The following ESR1 variants were observed in gnomAD, a reference collection of about 807,000 sequenced individuals.
The protein encoded by ESR1 is estrogen receptor 1, also known as estrogen receptor.
A neutral mutation model predicts 52.7 loss-of-function variants in ESR1; 12 were observed. That is an observed-to-expected ratio of 0.23 (90% CI 0.15 to 0.37). ESR1 has a LOEUF of 0.37. ESR1 is among the 10% of genes least tolerant of loss of function. The pLI is 1.00. For missense variants in ESR1, 584 were observed against 779.7 expected (o/e 0.75, Z 2.99); for synonymous variants, 305 against 316.8 (o/e 0.96, Z 0.39).
chr6:151,683,695 A>AT (rs1171249758), intron 1 of ESR1, among the ~76,000 whole-genome samples: 14 of 148,814 alleles, frequency 9.4e-5, no homozygotes, highest in African/African-American at 1.5e-4. Flanking sequence ...GTTGTCATAC[A>AT]TTTTTTTTTC....
intron 1 of ESR1, among the ~76,000 whole-genome samples, chr6:151,661,312 A>G (rs1048655804): frequency 2.6e-5 from 4 of 152,300 alleles, no homozygotes; most frequent in African/African-American, 9.6e-5. Flanking sequence ...ACAATTGCCT[A>G]TAAGGCCATG....
intron 7 of ESR1, among the ~76,000 whole-genome samples, chr6:152,097,179 T>TAC (rs1004960816): frequency 1.3e-5 from 2 of 151,008 alleles, no homozygotes; most frequent in South Asian, 4.2e-4. Context: ...CACACACACA[T>TAC]ACACACACAC....
At chr6:151,837,193 T>C (rs560303832) in intron 1 of ESR1, among the ~76,000 whole-genome samples, 3 of 149,752 alleles carry the variant, frequency 2.0e-5, no homozygotes, top group African/African-American at 7.4e-5. Flanking sequence ...CTCTGCCTCC[T>C]GTGTTCAAGC....
At chr6:151,894,570 G>A (rs1237994231) in intron 3 of ESR1, among the ~76,000 whole-genome samples, 1 of 152,154 alleles carries the variant, frequency 6.6e-6, no homozygotes, top group Non-Finnish European at 1.5e-5. Context: ...TGTGTAAAGT[G>A]AGAGATGAAG....
At chr6:151,979,680 T>C (rs1236469978) in intron 4 of ESR1, among the ~76,000 whole-genome samples, 1 of 152,230 alleles carries the variant, frequency 6.6e-6, no homozygotes, top group African/African-American at 2.4e-5. Context: ...ATAATTCTTC[T>C]GAAGTTCTTG....
At chr6:152,122,790 T>C in intron 6 of ESR1, 1 of 1,537,660 alleles carries the variant, frequency 6.5e-7, no homozygotes, top group Non-Finnish European at 8.8e-7. Context: ...CACCCCAGCC[T>C]GGCGATCAGC....
intron 2 of ESR1, among the ~76,000 whole-genome samples, chr6:151,730,621 T>C (rs1157776072): frequency 6.6e-6 from 1 of 152,198 alleles, no homozygotes; most frequent in Non-Finnish European, 1.5e-5. Flanking sequence ...CACATAAATA[T>C]GTGTCTTCAC....
intron 3 of ESR1, among the ~76,000 whole-genome samples, chr6:151,901,177 G>A (rs2128407028): frequency 6.6e-6 from 1 of 152,256 alleles, no homozygotes; most frequent in Admixed American, 6.5e-5. Context: ...GTTCCCAGAG[G>A]ATTATGGCTG....
chr6:152,054,092 T>A (rs2046910667), intron 5 of ESR1, among the ~76,000 whole-genome samples: 1 of 152,118 alleles, frequency 6.6e-6, no homozygotes, highest in South Asian at 2.1e-4. Flanking sequence ...AAAAAACTCA[T>A]CAAATTGATA....
chr6:151,903,546 C>A (rs1414598599), intron 3 of ESR1, among the ~76,000 whole-genome samples: 3 of 152,224 alleles, frequency 2.0e-5, no homozygotes, highest in Admixed American at 6.5e-5. Flanking sequence ...ACTAGGCTTT[C>A]ATTTTGGACT....
At chr6:152,068,424 G>C (rs919119859) in intron 6 of ESR1, among the ~76,000 whole-genome samples, 1 of 152,048 alleles carries the variant, frequency 6.6e-6, no homozygotes. Flanking sequence ...AATTCATCTG[G>C]GGGTGTGGAG....
At chr6:152,090,579 A>G (rs2050100291) in intron 6 of ESR1, among the ~76,000 whole-genome samples, 1 of 152,248 alleles carries the variant, frequency 6.6e-6, no homozygotes, top group Non-Finnish European at 1.5e-5. Flanking sequence ...GGGCACAGCC[A>G]CACTGCACAG....
At chr6:151,723,353 C>T (rs1484464134) in intron 2 of ESR1, among the ~76,000 whole-genome samples, 6 of 152,190 alleles carry the variant, frequency 3.9e-5, no homozygotes, top group Non-Finnish European at 8.8e-5. Flanking sequence ...CCTCAGTCAC[C>T]ACTCCTCCAA....
At chr6:151,792,849 C>A (rs1391122628) in intron 2 of ESR1, among the ~76,000 whole-genome samples, 1 of 152,132 alleles carries the variant, frequency 6.6e-6, no homozygotes, top group Admixed American at 6.5e-5. Context: ...CATCCTTATT[C>A]TATAAGCTTT....
At chr6:152,114,770 A>T (rs1585278689) in intron 6 of ESR1, among the ~76,000 whole-genome samples, 1 of 150,352 alleles carries the variant, frequency 6.7e-6, no homozygotes, top group African/African-American at 2.4e-5. Context: ...GGGCGCCTGT[A>T]GTCCCAGCTA....
chr6:151,775,678 G>A (rs1413055314), intron 2 of ESR1, among the ~76,000 whole-genome samples: 2 of 151,558 alleles, frequency 1.3e-5, no homozygotes, highest in East Asian at 1.9e-4. Flanking sequence ...CCCGGGAGGC[G>A]GAGCTTGCAG....
intron 2 of ESR1, among the ~76,000 whole-genome samples, chr6:151,877,622 C>G (rs1218765681): frequency 6.6e-6 from 1 of 152,130 alleles, no homozygotes; most frequent in African/African-American, 2.4e-5. Flanking sequence ...AGATACATAT[C>G]TACAGTGGAT....
At chr6:152,060,549 A>G (rs1260293060) in intron 5 of ESR1, among the ~76,000 whole-genome samples, 1 of 152,214 alleles carries the variant, frequency 6.6e-6, no homozygotes, top group Non-Finnish European at 1.5e-5. Flanking sequence ...CACAACCATC[A>G]GGACTTGTTA....
At chr6:151,842,217 C>G (rs1414518878) in intron 1 of ESR1, among the ~76,000 whole-genome samples, 2 of 152,146 alleles carry the variant, frequency 1.3e-5, no homozygotes, top group African/African-American at 4.8e-5. Flanking sequence ...TGCTTTGTCT[C>G]TGTTTCCCAG....
Sources: gnomAD v4.1 joint callset for allele counts (sites outside exome capture counted in the v4.1 genomes callset) on GRCh38, gnomAD v4.1.1 for gene constraint, MANE v1.5 for transcripts, NCBI Gene and HGNC (gene_info 2026-07-23, HGNC 2026-07-21) for gene names.